The following SEMA5A variants were observed in gnomAD, a reference collection of about 807,000 sequenced individuals.
The protein encoded by SEMA5A is semaphorin 5A.
Under a neutral mutation model 135.5 loss-of-function variants are expected in SEMA5A, and 55 were observed. That is an observed-to-expected ratio of 0.41 (90% CI 0.33 to 0.51). The LOEUF is 0.51. SEMA5A is among the 20% of genes least tolerant of loss of function. SEMA5A has a pLI of 0.37. For synonymous variants in SEMA5A, 580 were observed against 546.5 expected, an observed-to-expected ratio of 1.06 and a Z score of -0.85; for missense variants, 1,290 against 1,419.9, an observed-to-expected ratio of 0.91 and a Z score of 1.47.
chr5:9,367,686 T>C (rs893083747), intron 3 of SEMA5A, among the ~76,000 whole-genome samples: 1 of 152,210 alleles, frequency 6.6e-6, no homozygotes, highest in Non-Finnish European at 1.5e-5. Flanking sequence ...AAAACTTTAC[T>C]GATAAAACAG....
chr5:9,346,182 G>T (rs1219371574), intron 3 of SEMA5A, among the ~76,000 whole-genome samples: 10 of 152,182 alleles, frequency 6.6e-5, no homozygotes, highest in African/African-American at 2.4e-4. Context: ...ATGTTGGAGA[G>T]AAGTTGGCTT....
chr5:9,135,846 G>A (rs1016850743), intron 13 of SEMA5A, among the ~76,000 whole-genome samples: 1 of 151,944 alleles, frequency 6.6e-6, no homozygotes, highest in East Asian at 1.9e-4. Context: ...CAAAAAAAAA[G>A]CAAAAAATAT....
chr5:9,354,422 T>C (rs1229513272), intron 3 of SEMA5A, among the ~76,000 whole-genome samples: 1 of 152,216 alleles, frequency 6.6e-6, no homozygotes, highest in Non-Finnish European at 1.5e-5. Context: ...TCCTGATGTG[T>C]GCCAAACAGC....
intron 12 of SEMA5A, among the ~76,000 whole-genome samples, chr5:9,152,120 C>A (rs1469741651): frequency 6.6e-6 from 1 of 152,198 alleles, no homozygotes; most frequent in Non-Finnish European, 1.5e-5. Context: ...AGGAGAGCAA[C>A]CTGTAAAAGA....
chr5:9,066,702 G>A (rs1489107654), intron 16 of SEMA5A, 56 bp from the exon 17 acceptor site: 9 of 1,467,614 alleles, frequency 6.1e-6, no homozygotes, highest in Admixed American at 3.4e-5. Context: ...GCAACCTCAC[G>A]AAGGGCTCCT....
At chr5:9,287,907 G>A (rs960896542) in intron 5 of SEMA5A, among the ~76,000 whole-genome samples, 1 of 150,256 alleles carries the variant, frequency 6.7e-6, no homozygotes, top group Non-Finnish European at 1.5e-5. Context: ...ATGTCATCAT[G>A]TTCAACCAAA....
At chr5:9,193,002 C>T (rs199991627) in intron 10 of SEMA5A, among the ~76,000 whole-genome samples, 12 of 152,072 alleles carry the variant, frequency 7.9e-5, no homozygotes, top group Non-Finnish European at 1.6e-4. Flanking sequence ...CAGGATCACT[C>T]GCTACGCCTT....
intron 1 of SEMA5A, among the ~76,000 whole-genome samples, chr5:9,458,154 G>A (rs754912837): frequency 1.6e-4 from 25 of 151,810 alleles, no homozygotes; most frequent in Non-Finnish European, 2.6e-4. Flanking sequence ...TGATCCGCCC[G>A]CCTCGGCCTC....
chr5:9,200,742 A>C lies in SEMA5A; in HGVS notation c.932+1213T>G, dbSNP rs73044772. Among the ~76,000 whole-genome samples, 510 of 152,342 alleles carry C rather than the reference A, an allele frequency of 3.3e-3. 2 individuals carry two copies. The highest frequency in any genetic ancestry group is 0.012 in the African/African-American group (479 of 41,574). On this transcript the variant is annotated intron_variant, in intron 9 of 22. Transcript: ENST00000382496. ...AATACTAACACAAGTTAAGCAGTGGAGAGACCAGGAAGAGAAGGTTAATGA... is the reference window on the plus strand; with the variant it reads ...AATACTAACACAAGTTAAGCAGTGGCGAGACCAGGAAGAGAAGGTTAATGA...
intron 16 of SEMA5A, among the ~76,000 whole-genome samples, chr5:9,088,637 AATATATATATAT>A (rs71611400): frequency 5.5e-5 from 6 of 108,114 alleles, no homozygotes; most frequent in Admixed American, 1.7e-4. Context: ...CTACATTTAT[AATATATATATAT>A]ATATATATAT....
chr5:9,104,019 A>T (rs545701207), intron 16 of SEMA5A, among the ~76,000 whole-genome samples: 1 of 152,354 alleles, frequency 6.6e-6, no homozygotes, highest in South Asian at 2.1e-4. Flanking sequence ...GCTACACTTC[A>T]ACCTAAATAG....
chr5:9,080,497 C>T (rs956280557), intron 16 of SEMA5A, among the ~76,000 whole-genome samples: 1 of 146,102 alleles, frequency 6.8e-6, no homozygotes, highest in South Asian at 2.2e-4. Flanking sequence ...ACCTATGTAA[C>T]AAAACTGCAC....
At chr5:9,407,176 C>G (rs940380995) in intron 2 of SEMA5A, among the ~76,000 whole-genome samples, 2 of 152,178 alleles carry the variant, frequency 1.3e-5, no homozygotes, top group Non-Finnish European at 2.9e-5. Context: ...CAGAATTGCT[C>G]TCCCTTCCAT....
chr5:9,168,406 G>A (rs1467831723), intron 11 of SEMA5A, among the ~76,000 whole-genome samples: 3 of 152,212 alleles, frequency 2.0e-5, no homozygotes, highest in African/African-American at 7.2e-5. Flanking sequence ...TGAGGTCAGT[G>A]ATGAAGGAGC....
At chr5:9,250,465 A>G (rs532484909) in intron 5 of SEMA5A, among the ~76,000 whole-genome samples, 19 of 152,338 alleles carry the variant, frequency 1.2e-4, no homozygotes, top group East Asian at 5.8e-4. Context: ...AGAAAACACA[A>G]TAAGACAGTA....
chr5:9,146,914 A>G (rs947647879), intron 12 of SEMA5A, among the ~76,000 whole-genome samples: 9 of 152,332 alleles, frequency 5.9e-5, no homozygotes, highest in Admixed American at 1.3e-4. Flanking sequence ...AGGGGATAAT[A>G]TTTACTTTGT....
intron 11 of SEMA5A, among the ~76,000 whole-genome samples, chr5:9,176,318 AC>A (rs1159032311): frequency 2.0e-5 from 3 of 152,108 alleles, no homozygotes; most frequent in Admixed American, 2.0e-4. Context: ...CCAGGACAAA[AC>A]TAGGGCCCTC....
chr5:9,443,287 G>A (rs1166791198), intron 1 of SEMA5A, among the ~76,000 whole-genome samples: 1 of 152,082 alleles, frequency 6.6e-6, no homozygotes, highest in Non-Finnish European at 1.5e-5. Flanking sequence ...AAGAGTGGGT[G>A]ACAGGAACAG....
chr5:9,241,392 C>A (rs1178540562), intron 5 of SEMA5A, among the ~76,000 whole-genome samples: 1 of 151,836 alleles, frequency 6.6e-6, no homozygotes, highest in African/African-American at 2.4e-5. Flanking sequence ...ATTTACAATA[C>A]AGCATAAGTG....
Sources: allele counts gnomAD v4.1 joint callset (sites outside exome capture counted in the v4.1 genomes callset), GRCh38; gene constraint gnomAD v4.1.1; transcripts MANE v1.5; gene names NCBI Gene and HGNC (gene_info 2026-07-23, HGNC 2026-07-21).